SLC16A8: variants seen among roughly 807,000 people sequenced by gnomAD.
SLC16A8 encodes solute carrier family 16 member 8.
In SLC16A8, 20 loss-of-function variants were observed where a neutral mutation model predicts 22.4. The ratio of observed to expected loss-of-function variants is 0.89; its 90% CI spans 0.63 to 1.30. The LOEUF (loss-of-function observed/expected upper bound fraction) is 1.30, where lower values mean the gene tolerates loss of function less well. Among genes scored for constraint, SLC16A8 ranks in the 50% most tolerant of loss-of-function variants. SLC16A8 has a pLI of 0.00. For missense variants in SLC16A8, 817 were observed against 740.3 expected (o/e 1.10, Z -1.20); for synonymous variants, 393 against 358.8 (o/e 1.10, Z -1.08).
rs1234905595 is a variant in SLC16A8, at chr22:38,078,650, G to A, written c.1253C>T (p.Ser418Phe). ...NYEIIFYLAG[S>F]EVALAGVFMA... ...GAAGACCCCAGCCAGGGCCACCTCA[G>A]AGCCGGCCAGGTAGAAGATGATCTC... Residue 418 changes from serine to phenylalanine, a missense_variant, in exon 6 of 6, where the codon TCT becomes TTT. Ser to Phe is a radical substitution (Grantham distance 155). Coordinates refer to ENST00000681075, the MANE Select transcript of SLC16A8 (RefSeq NM_013356.3). 1 of 1,613,596 alleles carries A rather than the reference G, an allele frequency of 6.2e-7. No individual in the cohort carries two copies. Among genetic ancestry groups the A allele is most frequent in the Non-Finnish European group, 8.5e-7 (1 of 1,179,694 alleles).
At chr22:38,083,823 C>A (rs2085958901) in intron 1 of SLC16A8, among the ~76,000 whole-genome samples, 165 bp downstream of exon 1, 1 of 142,040 alleles carries the variant, frequency 7.0e-6, no homozygotes, top group Non-Finnish European at 1.5e-5. Context: ...AGTGTCCCTC[C>A]TGGCACTGGG....
chr22:38,083,187 A>G lies in SLC16A8; in HGVS notation c.-154T>C. 2.5e-6 allele frequency: 1 copy of G among 404,638 alleles called. No homozygotes were observed. The highest frequency in any genetic ancestry group is 4.5e-6 in the Non-Finnish European group (1 of 223,348). The allele number at this position is 404,638 out of a possible 1,614,324, so 25.1% of individuals were successfully genotyped here. ...GGTGGAAGGCGTCGGGAAGTGGAGC[A>G]GGTATGTGCCTGGAGGTGGGCGTCC... On this transcript the variant is annotated 5_prime_UTR_variant, in exon 2 of 6. Coordinates refer to ENST00000681075, the MANE Select transcript of SLC16A8 (RefSeq NM_013356.3).
At position 38,078,355 on chromosome 22, in the gene SLC16A8, G is replaced by A; in HGVS notation, c.*33C>T. On this transcript the variant is annotated 3_prime_UTR_variant, in exon 6 of 6. Coordinates refer to ENST00000681075, the MANE Select transcript of SLC16A8 (RefSeq NM_013356.3). ...CTGAGACAAGAAGCTGTGTTCCCAA[G>A]TCACTGGGCCACCCCACCCAGAGCA... 3 of 1,557,396 alleles carry A rather than the reference G, an allele frequency of 1.9e-6. No individual in the cohort carries two copies. The Admixed American group carries it at 5.2e-5, about 27-fold the overall frequency.
In SLC16A8 at chr22:38,079,656, G is replaced by T. The variant is rs560692031; in HGVS notation, c.1199-952C>A. Among the ~76,000 whole-genome samples, 3 of 152,260 alleles carry T rather than the reference G, an allele frequency of 2.0e-5. No individual in the cohort carries two copies. The South Asian group carries it at 6.2e-4, about 32-fold the overall frequency. On this transcript the variant is annotated intron_variant, in intron 5 of 5. Coordinates refer to ENST00000681075, the MANE Select transcript of SLC16A8 (RefSeq NM_013356.3). ...TTGCCCCGGCTGGTTTCAGACTTCT[G>T]GCCTCAGCCCCCCAAAGCGCTGGGA... is the stretch of plus-strand genomic sequence containing the variant.
intron 5 of SLC16A8, 110 bp downstream of exon 5, chr22:38,080,730 C>T: frequency 7.2e-7 from 1 of 1,384,952 alleles, no homozygotes; most frequent in Non-Finnish European, 9.4e-7. Context: ...TCCACCCACC[C>T]GACTGCCCCT....
Position 38,081,323 on chromosome 22 carries a change from G to A in SLC16A8, c.715C>T (p.Arg239Cys). Residue 239 changes from arginine to cysteine, a missense_variant, in exon 5 of 6, where the codon CGC becomes TGC. Transcript: ENST00000681075. ...ACTGCCAAGTCCAGCAGGCGCCGGCGGGGCCGGACCCTGGGGGATGCCTCG... is the reference window on the plus strand; with the variant it reads ...ACTGCCAAGTCCAGCAGGCGCCGGCAGGGCCGGACCCTGGGGGATGCCTCG... ...LREASPRVRP[R>C]RRLLDLAVCT... 2.0e-6 allele frequency: 3 copies of A among 1,502,450 alleles called. No homozygotes were observed. The highest frequency in any genetic ancestry group is 2.7e-6 in the Non-Finnish European group (3 of 1,125,040). The allele number at this position is 1,502,450 out of a possible 1,614,324, so 93.1% of individuals were successfully genotyped here. A position where few individuals can be genotyped will look rare whatever the true frequency, so the allele number is the denominator to read the frequency against.
intron 3 of SLC16A8, 146 bp downstream of exon 3, chr22:38,082,514 C>G: frequency 5.5e-6 from 4 of 729,500 alleles, no homozygotes; most frequent in South Asian, 1.9e-5. Context: ...CTCTCTTCCC[C>G]TCTTTCTGGT....
At position 38,081,935 on chromosome 22, in the gene SLC16A8, A is replaced by T. The variant is rs1423738682; in HGVS notation, c.312T>A (p.Phe104Leu). Reference sequence around the variant, plus strand: ...GGTAGAGCTCCAGGAGGCGCGTGGCAAAGGAAGCTAGGATCATGCCCGCGG... The same window carrying T: ...GGTAGAGCTCCAGGAGGCGCGTGGCTAAGGAAGCTAGGATCATGCCCGCGG... ...LASAGMILAS[F>L]ATRLLELYLT... Residue 104 changes from phenylalanine to leucine, a missense_variant, in exon 4 of 6, where the codon TTT becomes TTA. Transcript: ENST00000681075. 6.4e-7 allele frequency: 1 copy of T among 1,574,184 alleles called. No homozygotes were observed. Among genetic ancestry groups the T allele is most frequent in the Non-Finnish European group, 8.6e-7 (1 of 1,160,012 alleles).
intron 3 of SLC16A8, 32 bp downstream of exon 3, chr22:38,082,628 G>T (rs578088197): frequency 1.3e-6 from 2 of 1,507,690 alleles, no homozygotes; most frequent in Non-Finnish European, 8.9e-7. Flanking sequence ...CAGGGGTCCC[G>T]GGGAGGCGGA....
rs578088197 is a variant in SLC16A8 at position 38,082,628 on chromosome 22, G to A, written c.214+32C>T. ...CCTGGTTCCGGATCCCAGGGGTCCC[G>A]GGGAGGCGGAGGGCCGGGCGGGGAC... On this transcript the variant is annotated intron_variant, in intron 3 of 5. Transcript: ENST00000681075. The A allele has an allele frequency of 5.6e-4, 837 of 1,507,808 alleles. 11 individuals are homozygous for A. The South Asian group carries it at 9.6e-3, about 17-fold the overall frequency. The allele number at this position is 1,507,808 out of a possible 1,614,324, so 93.4% of individuals were successfully genotyped here. A position where few individuals can be genotyped will look rare whatever the true frequency, so the allele number is the denominator to read the frequency against.
Position 38,083,116 on chromosome 22 carries a change from C to G in SLC16A8, c.-83G>C. 1.8e-6 allele frequency: 1 copy of G among 541,494 alleles called. No homozygotes were observed. Among genetic ancestry groups the G allele is most frequent in the Non-Finnish European group, 3.3e-6 (1 of 303,614 alleles). 33.5% of individuals were successfully genotyped at this position (541,494 alleles called of 1,614,324 possible). A position where few individuals can be genotyped will look rare whatever the true frequency, so the allele number is the denominator to read the frequency against. Reference sequence around the variant, plus strand: ...ACGGGTCCCACCTGACTCTGCACCTCTGCAGGCTCCCTCTGAAGGACAACT... The same window carrying G: ...ACGGGTCCCACCTGACTCTGCACCTGTGCAGGCTCCCTCTGAAGGACAACT... On this transcript the variant is annotated 5_prime_UTR_variant, in exon 2 of 6. Coordinates refer to ENST00000681075, the MANE Select transcript of SLC16A8 (RefSeq NM_013356.3).
chr22:38,081,060 G>C lies in SLC16A8; in HGVS notation c.978C>G (p.Ala326=). 3 of 1,585,526 alleles carry C rather than the reference G, an allele frequency of 1.9e-6. No homozygotes were observed. The highest frequency in any genetic ancestry group is 2.6e-6 in the Non-Finnish European group (3 of 1,171,390). Residue 326 remains alanine (A), a synonymous_variant, in exon 5 of 6, where the codon GCC becomes GCG. Coordinates refer to ENST00000681075, the MANE Select transcript of SLC16A8 (RefSeq NM_013356.3). ...RPHVPYLFSL[A]LLANGLTDLS... is the part of the protein sequence containing the mutation. ...GGTCTGTGAGCCCATTGGCCAGCAG[G>C]GCCAGGCTGAACAGATACGGGACGT...
chr22:38,079,936 G>A (rs1360252929), intron 5 of SLC16A8, among the ~76,000 whole-genome samples: 3 of 152,180 alleles, frequency 2.0e-5, no homozygotes, highest in Non-Finnish European at 4.4e-5. Flanking sequence ...GGGTCAGGTG[G>A]GATGACAGAG....
intron 3 of SLC16A8, 111 bp from the exon 4 acceptor site, chr22:38,082,143 G>T (rs2085927767): frequency 1.2e-5 from 15 of 1,281,042 alleles, no homozygotes; most frequent in Non-Finnish European, 1.6e-5. Flanking sequence ...TCTGGCCAAG[G>T]TCACACAGCT....
chr22:38,081,105 G>GC lies in SLC16A8; in HGVS notation c.932dup (p.Leu312ProfsTer99). On this transcript the variant is annotated frameshift_variant, in exon 5 of 6. Transcript: ENST00000681075. LOFTEE classifies it high-confidence loss of function. Reference sequence around the variant, plus strand: ...GGACGTGCGGCCGCAGACGCGCCAGGCCCGCCAGGGCGCCGCACGCCGGGC... The same window carrying GC: ...GGACGTGCGGCCGCAGACGCGCCAGGCCCCGCCAGGGCGCCGCACGCCGGGC... The GC allele has an allele frequency of 6.5e-7, 1 of 1,549,200 alleles. No homozygotes were observed. Among genetic ancestry groups the GC allele is most frequent in the South Asian group, 1.2e-5 (1 of 84,382 alleles).
chr22:38,079,571 G>A (rs1041093217), intron 5 of SLC16A8, among the ~76,000 whole-genome samples: 2 of 152,112 alleles, frequency 1.3e-5, no homozygotes, highest in African/African-American at 2.4e-5. Context: ...AGAGGTGCAC[G>A]CCACCACACC....
chr22:38,082,207 C>T (rs956376712), intron 3 of SLC16A8, among the ~76,000 whole-genome samples, 175 bp from the exon 4 acceptor site: 5 of 152,230 alleles, frequency 3.3e-5, no homozygotes, highest in African/African-American at 1.2e-4. Context: ...CCCAGAGCAC[C>T]CCATCCTGCG....
chr22:38,080,019 C>T (rs146597909), intron 5 of SLC16A8, among the ~76,000 whole-genome samples: 2,049 of 152,322 alleles, frequency 0.013, 25 homozygotes, highest in Non-Finnish European at 0.021. Context: ...GTGCAGCCTG[C>T]GGCCCCCGCA....
Position 38,078,677 on chromosome 22 carries a change from T to A in SLC16A8, c.1226A>T (p.Tyr409Phe). Residue 409 changes from tyrosine (Y) to phenylalanine (F), a missense_variant, in exon 6 of 6, where the codon TAT becomes TTT. Tyr to Phe is a conservative substitution (Grantham distance 22, BLOSUM62 3). Transcript: ENST00000681075. ...GCCGGCCAGGTAGAAGATGATCTCA[T>A]AGTTCTTCAACACATCCACCAGGCG... Reference protein sequence around the residue: ...AGRLVDVLKNYEIIFYLAGSE... With the variant: ...AGRLVDVLKNFEIIFYLAGSE... 1 of 1,609,976 alleles carries A rather than the reference T, an allele frequency of 6.2e-7. No homozygotes were observed. Among genetic ancestry groups the A allele is most frequent in the Non-Finnish European group, 8.5e-7 (1 of 1,176,552 alleles).
Sources: gnomAD v4.1 joint callset for allele counts (sites outside exome capture counted in the v4.1 genomes callset) on GRCh38, gnomAD v4.1.1 for gene constraint, MANE v1.5 for transcripts, NCBI Gene and HGNC (gene_info 2026-07-23, HGNC 2026-07-21) for gene names.